GRM7: variants seen among roughly 807,000 people sequenced by gnomAD.
GRM7 encodes metabotropic glutamate receptor 7.
GRM7 carries 35 observed loss-of-function variants against 84.5 expected under a neutral mutation model. That is an observed-to-expected ratio of 0.41 (90% confidence interval 0.32 to 0.55). The LOEUF is 0.55. Ranked by LOEUF, GRM7 falls within the 20% of genes least tolerant of loss-of-function variation. The pLI, the probability that GRM7 is intolerant of heterozygous loss-of-function variation, is 0.19. For synonymous variants in GRM7, 487 were observed against 455.1 expected (o/e 1.07, Z -0.89); for missense variants, 1,003 against 1,194.6 (o/e 0.84, Z 2.36).
At chr3:7,321,655 A>G (rs746952551) in intron 4 of GRM7, among the ~76,000 whole-genome samples, 3 of 151,990 alleles carry the variant, frequency 2.0e-5, no homozygotes, top group African/African-American at 4.8e-5. Flanking sequence ...CCTAAAGTCA[A>G]TCACTCTGAC....
intron 2 of GRM7, among the ~76,000 whole-genome samples, chr3:7,192,851 G>A (rs1443891594): frequency 6.6e-6 from 1 of 152,098 alleles, no homozygotes; most frequent in East Asian, 1.9e-4. Flanking sequence ...TGAGGCCTGT[G>A]CCTCTAACCC....
chr3:6,866,694 G>A (rs901472808), intron 1 of GRM7, among the ~76,000 whole-genome samples: 43 of 152,224 alleles, frequency 2.8e-4, no homozygotes, highest in African/African-American at 7.5e-4. Context: ...TATAGCTTTC[G>A]TATCTCCATG....
At chr3:7,006,494 T>G (rs891459009) in intron 1 of GRM7, among the ~76,000 whole-genome samples, 3 of 152,230 alleles carry the variant, frequency 2.0e-5, no homozygotes, top group African/African-American at 7.2e-5. Context: ...TCTAATTATT[T>G]TTCCTTTTTT....
At chr3:7,368,248 T>TA (rs1242838576) in intron 4 of GRM7, among the ~76,000 whole-genome samples, 1 of 152,082 alleles carries the variant, frequency 6.6e-6, no homozygotes, top group East Asian at 1.9e-4. Flanking sequence ...CTAGAACTAA[T>TA]AATTGTGCCA....
chr3:7,306,155 A>G (rs1381883671), intron 3 of GRM7, among the ~76,000 whole-genome samples: 1 of 152,162 alleles, frequency 6.6e-6, no homozygotes, highest in Non-Finnish European at 1.5e-5. Context: ...AACAAAACAA[A>G]CATTTTGGCC....
intron 7 of GRM7, among the ~76,000 whole-genome samples, chr3:7,522,478 C>T (rs532490845): frequency 6.6e-6 from 1 of 152,130 alleles, no homozygotes; most frequent in African/African-American, 2.4e-5. Flanking sequence ...AGAGCTATGA[C>T]ACCTGCCCTC....
intron 1 of GRM7, among the ~76,000 whole-genome samples, chr3:7,050,521 A>G (rs534375062): frequency 5.3e-5 from 8 of 151,904 alleles, no homozygotes; most frequent in Non-Finnish European, 1.2e-4. Flanking sequence ...TAATGTAAAC[A>G]GTTTAATGAT....
At chr3:7,627,631 T>G (rs769649483) in intron 8 of GRM7, among the ~76,000 whole-genome samples, 2 of 152,166 alleles carry the variant, frequency 1.3e-5, no homozygotes, top group African/African-American at 2.4e-5. Flanking sequence ...GTTATATTAG[T>G]TTGCTAGGGC....
intron 4 of GRM7, among the ~76,000 whole-genome samples, chr3:7,323,298 C>G (rs977088499): frequency 1.3e-5 from 2 of 152,148 alleles, no homozygotes; most frequent in Non-Finnish European, 2.9e-5. Context: ...GGGAAAGGCA[C>G]AATAACTACT....
chr3:7,091,211 CA>C (rs36113765), intron 1 of GRM7, among the ~76,000 whole-genome samples: 237 of 137,024 alleles, frequency 1.7e-3, no homozygotes, highest in African/African-American at 1.7e-3. Flanking sequence ...AGTGAAGTAC[CA>C]AAAAAAAAAA....
chr3:7,112,052 G>A (rs965752761), intron 1 of GRM7, among the ~76,000 whole-genome samples: 2 of 152,120 alleles, frequency 1.3e-5, no homozygotes, highest in Non-Finnish European at 2.9e-5. Context: ...AAGTGTAAAA[G>A]GCAGGAGATT....
chr3:7,064,479 T>TATATATATATATATATACACACACAC lies in GRM7; in HGVS notation c.520-81972_520-81971insTATATATATATATATACACACACACA. Among the ~76,000 whole-genome samples, 25 of 99,376 alleles carry TATATATATATATATATACACACACAC rather than the reference T, an allele frequency of 2.5e-4. 5 individuals carry two copies. Among genetic ancestry groups the TATATATATATATATATACACACACAC allele is most frequent in the Non-Finnish European group, 2.3e-4 (11 of 47,334 alleles). 65.2% of individuals were successfully genotyped at this position (99,376 alleles called of 152,430 possible). A position where few individuals can be genotyped will look rare whatever the true frequency, so the allele number is the denominator to read the frequency against. On this transcript the variant is annotated intron_variant, in intron 1 of 9. Transcript: ENST00000357716. Reference sequence around the variant, plus strand: ...ATATATATACATATATATATATATATACACACATATACATATATATATACA... The same window carrying TATATATATATATATATACACACACAC: ...ATATATATACATATATATATATATATATATATATATATATATACACACACACACACACATATACATATATATATACA...
intron 2 of GRM7, among the ~76,000 whole-genome samples, chr3:7,231,935 C>T (rs943140002): frequency 6.6e-6 from 1 of 152,152 alleles, no homozygotes. Flanking sequence ...CATTTCAGCC[C>T]ATGGGAAGCT....
chr3:7,538,575 T>A (rs1276445224), intron 7 of GRM7, among the ~76,000 whole-genome samples: 1 of 152,232 alleles, frequency 6.6e-6, no homozygotes, highest in East Asian at 1.9e-4. Flanking sequence ...AGAAGTCTTT[T>A]TTGGTGAAAG....
At chr3:7,526,007 A>T (rs1290489729) in intron 7 of GRM7, among the ~76,000 whole-genome samples, 1 of 151,946 alleles carries the variant, frequency 6.6e-6, no homozygotes, top group Non-Finnish European at 1.5e-5. Flanking sequence ...TGTGAAAAAC[A>T]TATGAGTACA....
intron 8 of GRM7, among the ~76,000 whole-genome samples, chr3:7,661,754 A>C (rs1340186194): frequency 7.4e-6 from 1 of 135,578 alleles, no homozygotes. Flanking sequence ...AGATCGTGCC[A>C]CTGCACTCCA....
At chr3:7,159,601 C>T (rs552288218) in intron 2 of GRM7, among the ~76,000 whole-genome samples, 1 of 152,144 alleles carries the variant, frequency 6.6e-6, no homozygotes, top group African/African-American at 2.4e-5. Flanking sequence ...AAACATCAAT[C>T]GAACACCTGA....
intron 1 of GRM7, among the ~76,000 whole-genome samples, chr3:7,021,559 G>A (rs967312424): frequency 6.6e-6 from 1 of 152,266 alleles, no homozygotes; most frequent in South Asian, 2.1e-4. Context: ...ACTCACTTGG[G>A]AAAAGAACAT....
chr3:7,365,551 C>T (rs1373278798), intron 4 of GRM7, among the ~76,000 whole-genome samples: 1 of 150,428 alleles, frequency 6.6e-6, no homozygotes, highest in African/African-American at 2.4e-5. Context: ...AACTTTATTT[C>T]CTATATTTGT....
Sources: gnomAD v4.1 joint callset for allele counts (sites outside exome capture counted in the v4.1 genomes callset) on GRCh38, gnomAD v4.1.1 for gene constraint, MANE v1.5 for transcripts, NCBI Gene and HGNC (gene_info 2026-07-23, HGNC 2026-07-21) for gene names.